The following PRKCH variants were observed in gnomAD, a reference collection of about 807,000 sequenced individuals.
PRKCH encodes protein kinase C eta type.
In PRKCH, 28 loss-of-function variants were observed where a neutral mutation model predicts 82.5. The observed-to-expected ratio is 0.34, with a 90% CI of 0.25 to 0.47. PRKCH has a LOEUF of 0.47. Among genes scored for constraint, PRKCH ranks in the 20% least tolerant of loss-of-function variants. The pLI is 1.00. For synonymous variants in PRKCH, 322 were observed against 327.4 expected (o/e 0.98, Z 0.18); for missense variants, 705 against 881.8 (o/e 0.80, Z 2.54).
intron 1 of PRKCH, among the ~76,000 whole-genome samples, chr14:61,360,802 A>T (rs530338025): frequency 1.3e-5 from 2 of 152,212 alleles, no homozygotes; most frequent in Non-Finnish European, 2.9e-5. Flanking sequence ...AGGAAGTTCT[A>T]GCTATCTGGT....
chr14:61,343,541 G>T (rs755202500), intron 1 of PRKCH, among the ~76,000 whole-genome samples: 1 of 152,072 alleles, frequency 6.6e-6, no homozygotes, highest in Non-Finnish European at 1.5e-5. Flanking sequence ...ACTAGAGAAT[G>T]CAGGGCACGA....
chr14:61,312,543 C>T (rs1430292897), intron 1 of PRKCH, among the ~76,000 whole-genome samples: 2 of 152,088 alleles, frequency 1.3e-5, no homozygotes, highest in East Asian at 1.9e-4. Context: ...TGAAGAAATA[C>T]CCGAGAATGG....
chr14:61,280,161 G>T lies in PRKCH; in HGVS notation c.-19+92493G>T. 6.2e-7 allele frequency: 1 copy of T among 1,614,144 alleles called. No homozygotes were observed. The highest frequency in any genetic ancestry group is 1.1e-5 in the South Asian group (1 of 91,072). The stretch of plus-strand genomic sequence containing the variant: ...CGACCAGCATGACAAAGCCGGTGAG[G>T]ATGCAGAGGGAGCCGACGACCAGGT... On this transcript the variant is annotated intron_variant, in intron 1 of 3. Coordinates refer to the PRKCH transcript ENST00000555185. This position sits in a 1 kb window ranked among gnomAD's most constrained non-coding sequence, Gnocchi z 5.0.
chr14:61,497,303 T>C (rs1886712345), intron 10 of PRKCH, among the ~76,000 whole-genome samples: 2 of 152,162 alleles, frequency 1.3e-5, no homozygotes, highest in Non-Finnish European at 2.9e-5. Flanking sequence ...AATGATAAAA[T>C]GGAAGTCCTG....
At chr14:61,332,008 A>G (rs188835178) in intron 1 of PRKCH, among the ~76,000 whole-genome samples, 3 of 152,342 alleles carry the variant, frequency 2.0e-5, no homozygotes, top group Admixed American at 1.3e-4. Flanking sequence ...TTCTTGATTT[A>G]TGCTAACGCA....
At chr14:61,404,251 G>GA (rs398025329) in intron 2 of PRKCH, among the ~76,000 whole-genome samples, 7 of 151,512 alleles carry the variant, frequency 4.6e-5, no homozygotes, top group African/African-American at 1.7e-4. Context: ...GGGAGTGTGG[G>GA]CATGGACAAC....
intron 1 of PRKCH, among the ~76,000 whole-genome samples, chr14:61,352,824 A>G (rs889259343): frequency 2.6e-5 from 4 of 152,236 alleles, no homozygotes; most frequent in Non-Finnish European, 5.9e-5. Flanking sequence ...AATGAGAATG[A>G]TAATAGTATC....
chr14:61,302,293 A>G (rs2045453905), intron 1 of PRKCH, among the ~76,000 whole-genome samples: 1 of 152,168 alleles, frequency 6.6e-6, no homozygotes, highest in Admixed American at 6.5e-5. Flanking sequence ...TGCCTTTCCC[A>G]GAGGGGTCCA....
chr14:61,229,065 T>C (rs192028558), intron 1 of PRKCH, among the ~76,000 whole-genome samples: 8 of 152,226 alleles, frequency 5.3e-5, no homozygotes, highest in Admixed American at 2.6e-4. Flanking sequence ...GGTAGGAATT[T>C]ATACTATGGG....
At chr14:61,442,807 G>C (rs1322033159) in intron 2 of PRKCH, 1 of 201,270 alleles carries the variant, frequency 5.0e-6, no homozygotes, top group Non-Finnish European at 1.0e-5. Context: ...GTATGGTGGT[G>C]CATGCCTGTA....
chr14:61,244,406 G>A (rs777427933), intron 1 of PRKCH, among the ~76,000 whole-genome samples: 4 of 152,188 alleles, frequency 2.6e-5, no homozygotes, highest in Non-Finnish European at 5.9e-5. Context: ...ATGCCAACAC[G>A]AAGTTACATT....
intron 2 of PRKCH, among the ~76,000 whole-genome samples, chr14:61,421,921 G>A (rs1566872893): frequency 6.6e-6 from 1 of 152,140 alleles, no homozygotes; most frequent in Non-Finnish European, 1.5e-5. Flanking sequence ...TGAGGTGGAT[G>A]GGAGAGTTAG....
chr14:61,429,823 G>A (rs540510463), intron 2 of PRKCH, among the ~76,000 whole-genome samples: 5 of 152,182 alleles, frequency 3.3e-5, no homozygotes, highest in East Asian at 3.9e-4. Flanking sequence ...AGCTAGAGAC[G>A]GTATAAAAAC....
chr14:61,536,454 G>A (rs1038051591), intron 12 of PRKCH, among the ~76,000 whole-genome samples: 1 of 152,138 alleles, frequency 6.6e-6, no homozygotes, highest in African/African-American at 2.4e-5. Context: ...GGCAGGAAGA[G>A]CTGAGATCTC....
intron 10 of PRKCH, among the ~76,000 whole-genome samples, chr14:61,508,492 C>T (rs940642820): frequency 1.3e-5 from 2 of 152,122 alleles, no homozygotes; most frequent in Non-Finnish European, 2.9e-5. Context: ...AAAAGGGAAA[C>T]AAGACAGAGT....
intron 1 of PRKCH, among the ~76,000 whole-genome samples, chr14:61,191,542 G>A (rs561874613): frequency 3.9e-5 from 6 of 152,236 alleles, no homozygotes; most frequent in South Asian, 2.1e-4. Context: ...GTATGGTGGT[G>A]CACACCTGTA....
At chr14:61,336,842 G>T (rs139655475) in intron 1 of PRKCH, among the ~76,000 whole-genome samples, 14 of 152,180 alleles carry the variant, frequency 9.2e-5, no homozygotes, top group Non-Finnish European at 2.1e-4. Context: ...GCTGAGGTGG[G>T]CAGATTGCTT....
chr14:61,380,973 A>C (rs59579370), intron 1 of PRKCH, among the ~76,000 whole-genome samples: 4,213 of 152,268 alleles, frequency 0.028, 177 homozygotes, highest in African/African-American at 0.094. Context: ...TATAGCAACC[A>C]TGTGGGTCTG....
intron 1 of PRKCH, among the ~76,000 whole-genome samples, chr14:61,343,435 T>G (rs1408866314): frequency 6.6e-6 from 1 of 151,886 alleles, no homozygotes; most frequent in African/African-American, 2.4e-5. Flanking sequence ...ATGATTTCTC[T>G]TATGGAACTA....
Sources: allele counts gnomAD v4.1 joint callset (sites outside exome capture counted in the v4.1 genomes callset), GRCh38; gene constraint gnomAD v4.1.1; non-coding constraint Gnocchi (gnomAD v3.1); transcripts MANE v1.5; gene names NCBI Gene and HGNC (gene_info 2026-07-23, HGNC 2026-07-21).